The following SLIT3 variants were observed in gnomAD, a reference collection of about 807,000 sequenced individuals.
SLIT3 encodes the protein slit homolog 3 protein.
In SLIT3, 68 loss-of-function variants were observed where a neutral mutation model predicts 184.0. The observed-to-expected ratio is 0.37, with a 90% CI of 0.30 to 0.45. SLIT3 has a LOEUF of 0.45. Among genes scored for constraint, SLIT3 ranks in the 20% least tolerant of loss-of-function variants. SLIT3 has a pLI of 1.00. For missense variants in SLIT3, 1,707 were observed against 2,026.0 expected (o/e 0.84, Z 3.02); for synonymous variants, 831 against 828.6 (o/e 1.00, Z -0.05).
chr5:168,722,753 C>T (rs779917849), intron 22 of SLIT3, among the ~76,000 whole-genome samples, 180 bp downstream of exon 22: 3 of 152,214 alleles, frequency 2.0e-5, no homozygotes, highest in Non-Finnish European at 4.4e-5. Flanking sequence ...ACTGCCTGGA[C>T]AGTGGAGGGC....
intron 4 of SLIT3, among the ~76,000 whole-genome samples, chr5:169,041,532 C>T (rs10516056): frequency 0.17 from 26,035 of 152,164 alleles, 2,807 homozygotes; most frequent in South Asian, 0.34. Flanking sequence ...ACAGCGCTCT[C>T]AGCACTTACA....
intron 29 of SLIT3, among the ~76,000 whole-genome samples, chr5:168,691,577 GCTCTGGGCCCAGGGCC>G (rs1761906826): frequency 6.6e-6 from 1 of 152,232 alleles, no homozygotes; most frequent in Non-Finnish European, 1.5e-5. Flanking sequence ...CAGGCATGGA[GCTCTGGGCCCAGGGCC>G]CTCATCTCTA....
intron 5 of SLIT3, among the ~76,000 whole-genome samples, chr5:168,881,400 A>T (rs1278871967): frequency 3.3e-5 from 5 of 152,272 alleles, no homozygotes. Context: ...AATCAAAAAC[A>T]TAGTCAGCAA....
intron 1 of SLIT3, among the ~76,000 whole-genome samples, chr5:169,283,150 G>T (rs1433580580): frequency 6.6e-6 from 1 of 152,220 alleles, no homozygotes; most frequent in Admixed American, 6.5e-5. Context: ...TTCTCCAAAG[G>T]CCACGCATAA....
intron 20 of SLIT3, among the ~76,000 whole-genome samples, chr5:168,745,003 C>T (rs1034962856): frequency 6.6e-6 from 1 of 152,148 alleles, no homozygotes; most frequent in African/African-American, 2.4e-5. Context: ...AACTGAAAAG[C>T]TTTTGGAAAG....
rs10076803 is a variant in SLIT3, at chr5:168,937,462, C to T, written c.414-54126G>A. 9.3e-3 allele frequency among the ~76,000 whole-genome samples: 1,413 copies of T among 152,196 alleles called. 25 individuals carry two copies. Among genetic ancestry groups the T allele is most frequent in the African/African-American group, 0.032 (1,345 of 41,520 alleles). ...AGGCAAAAGGTGGTGGCAGCCTGGC[C>T]TTCGAGGGTGGCAGAGGGGCAGAGG... On this transcript the variant is annotated intron_variant, in intron 4 of 35. Coordinates refer to ENST00000519560, the MANE Select transcript of SLIT3 (RefSeq NM_003062.4).
intron 21 of SLIT3, among the ~76,000 whole-genome samples, chr5:168,723,920 G>C (rs981901091): frequency 1.3e-5 from 2 of 152,174 alleles, no homozygotes; most frequent in African/African-American, 4.8e-5. Flanking sequence ...CTTTAGAGCA[G>C]TGATTCTTAA....
chr5:168,717,313 TA>T (rs1762770747), intron 23 of SLIT3, among the ~76,000 whole-genome samples: 1 of 145,426 alleles, frequency 6.9e-6, no homozygotes, highest in South Asian at 2.3e-4. Flanking sequence ...ATAACATAAC[TA>T]AAGCACTTAG....
At chr5:169,243,981 G>A (rs551836002) in intron 3 of SLIT3, among the ~76,000 whole-genome samples, 2 of 152,364 alleles carry the variant, frequency 1.3e-5, no homozygotes, top group African/African-American at 2.4e-5. Context: ...GAAAGGTGAA[G>A]TTGCCTACTT....
intron 4 of SLIT3, among the ~76,000 whole-genome samples, chr5:169,118,367 C>A (rs1760766409): frequency 2.0e-5 from 3 of 152,158 alleles, no homozygotes; most frequent in Admixed American, 2.0e-4. Flanking sequence ...ATTGGTTGGT[C>A]ATCTTCTTGA....
chr5:168,888,545 C>T (rs1263004485), intron 4 of SLIT3, among the ~76,000 whole-genome samples: 4 of 152,188 alleles, frequency 2.6e-5, no homozygotes, highest in Non-Finnish European at 5.9e-5. Flanking sequence ...ATATCACTCT[C>T]AAAAGACGGC....
chr5:169,193,436 C>G (rs1004983563), intron 4 of SLIT3, 43 bp downstream of exon 4: 1 of 1,560,616 alleles, frequency 6.4e-7, no homozygotes, highest in Non-Finnish European at 8.8e-7. Context: ...TCACCCAAGC[C>G]AGGCAAGGCA....
intron 4 of SLIT3, among the ~76,000 whole-genome samples, chr5:169,158,892 C>A (rs544161618): frequency 6.6e-6 from 1 of 152,242 alleles, no homozygotes; most frequent in East Asian, 1.9e-4. Flanking sequence ...AACAAGGAAA[C>A]TAAAAACAGA....
At chr5:168,795,389 A>G (rs1756530191) in intron 10 of SLIT3, 118 bp downstream of exon 10, 1 of 778,206 alleles carries the variant, frequency 1.3e-6, no homozygotes, top group Non-Finnish European at 2.3e-6. Context: ...GGTCTGAAAC[A>G]GAACTGCCCA....
At chr5:168,791,866 T>C (rs1321558460) in intron 10 of SLIT3, 2 of 152,258 alleles carry the variant, frequency 1.3e-5, no homozygotes, top group African/African-American at 2.4e-5. Context: ...TTGCACCCTT[T>C]GACGAACATC....
chr5:169,262,048 A>G (rs997271962), intron 1 of SLIT3, among the ~76,000 whole-genome samples: 37 of 152,206 alleles, frequency 2.4e-4, no homozygotes, highest in Non-Finnish European at 8.8e-5. Context: ...GCTTGGAAGC[A>G]GGTCCTTCTC....
chr5:169,070,752 T>C (rs1758514020), intron 4 of SLIT3, among the ~76,000 whole-genome samples: 1 of 147,598 alleles, frequency 6.8e-6, no homozygotes, highest in South Asian at 2.1e-4. Context: ...AATTCCATAG[T>C]GCTGTCTACC....
At chr5:169,086,744 C>G (rs777876052) in intron 4 of SLIT3, among the ~76,000 whole-genome samples, 1 of 152,154 alleles carries the variant, frequency 6.6e-6, no homozygotes, top group Non-Finnish European at 1.5e-5. Flanking sequence ...ATGCCCTTGA[C>G]CTTTGACCCT....
At chr5:169,076,598 A>T (rs1749210826) in intron 4 of SLIT3, among the ~76,000 whole-genome samples, 1 of 152,106 alleles carries the variant, frequency 6.6e-6, no homozygotes, top group South Asian at 2.1e-4. Context: ...CTGATCTCAT[A>T]CTTACTTTAA....
Sources: allele counts gnomAD v4.1 joint callset (sites outside exome capture counted in the v4.1 genomes callset), GRCh38; gene constraint gnomAD v4.1.1; transcripts MANE v1.5; gene names NCBI Gene and HGNC (gene_info 2026-07-23, HGNC 2026-07-21).